TNNI3K: variants seen among roughly 807,000 people sequenced by gnomAD.
TNNI3K encodes the protein serine/threonine-protein kinase TNNI3K.
TNNI3K carries 140 observed loss-of-function variants against 114.5 expected under a neutral mutation model. The observed-to-expected ratio is 1.22, with a 90% CI of 1.07 to 1.41. The LOEUF is 1.41. TNNI3K is among the 40% of genes most tolerant of loss of function. The probability of loss-of-function intolerance (pLI) is 0.00; values close to 1 mark genes in which losing one functional copy is unlikely to be tolerated. For missense variants in TNNI3K, 1,125 were observed against 1,007.6 expected, an observed-to-expected ratio of 1.12 and a Z score of -1.58; for synonymous variants, 347 against 347.5, an observed-to-expected ratio of 1.00 and a Z score of 0.02.
intron 4 of TNNI3K, among the ~76,000 whole-genome samples, chr1:74,255,049 C>A (rs1334413443): frequency 6.6e-6 from 1 of 152,168 alleles, no homozygotes; most frequent in African/African-American, 2.4e-5. Flanking sequence ...TGGGTCTGTT[C>A]AGTAAACATT....
chr1:74,529,151 C>T (rs992804145), intron 23 of TNNI3K, among the ~76,000 whole-genome samples: 1 of 152,086 alleles, frequency 6.6e-6, no homozygotes, highest in African/African-American at 2.4e-5. Context: ...TCTCAAAATA[C>T]CTCCTCACAA....
chr1:74,291,905 A>G (rs1036262195), intron 5 of TNNI3K, among the ~76,000 whole-genome samples: 12 of 151,314 alleles, frequency 7.9e-5, no homozygotes, highest in African/African-American at 2.9e-4. Flanking sequence ...AAAAGCTTAT[A>G]TTTTCCTTAT....
intron 5 of TNNI3K, among the ~76,000 whole-genome samples, chr1:74,276,937 T>A (rs1009397574): frequency 1.3e-5 from 2 of 152,144 alleles, no homozygotes; most frequent in African/African-American, 4.8e-5. Context: ...AGTAGGCAAA[T>A]ATTAGTTGTC....
At chr1:74,280,816 T>C (rs1356240582) in intron 5 of TNNI3K, among the ~76,000 whole-genome samples, 2 of 151,992 alleles carry the variant, frequency 1.3e-5, no homozygotes, top group African/African-American at 4.8e-5. Context: ...GGACTTGGGG[T>C]GCACGTGACC....
chr1:74,517,967 A>G (rs114927648), intron 23 of TNNI3K, among the ~76,000 whole-genome samples: 3,782 of 152,292 alleles, frequency 0.025, 62 homozygotes, highest in Non-Finnish European at 0.034. Context: ...TAGTACTTAA[A>G]GTAACAATCT....
At chr1:74,300,099 G>A (rs1658230248) in intron 5 of TNNI3K, among the ~76,000 whole-genome samples, 1 of 151,908 alleles carries the variant, frequency 6.6e-6, no homozygotes, top group South Asian at 2.1e-4. Context: ...TATCACTTTT[G>A]TGGCAGGATT....
intron 21 of TNNI3K, chr1:74,483,442 T>C: frequency 1.5e-6 from 1 of 674,102 alleles, no homozygotes. Flanking sequence ...TTTCTGTACA[T>C]ACAGGTCATG....
intron 20 of TNNI3K, among the ~76,000 whole-genome samples, chr1:74,453,552 A>C (rs761625002): frequency 6.6e-6 from 1 of 152,190 alleles, no homozygotes; most frequent in Non-Finnish European, 1.5e-5. Flanking sequence ...TTAACAGCAT[A>C]CTACTTCCTG....
intron 21 of TNNI3K, chr1:74,464,969 C>T: frequency 1.6e-6 from 2 of 1,214,314 alleles, no homozygotes; most frequent in Non-Finnish European, 2.0e-6. Context: ...ATTTTGATGT[C>T]CAGAAAATTT....
At chr1:74,464,781 T>C in intron 21 of TNNI3K, 1 of 1,536,050 alleles carries the variant, frequency 6.5e-7, no homozygotes, top group African/African-American at 1.4e-5. Flanking sequence ...TGTTACATGT[T>C]TATTTGTTTA....
rs529201575 is a variant in TNNI3K at position 74,337,310 on chromosome 1, C to T, written c.682+1161C>T. ...TCCCATTTTGTAGGTTGCCTGTTCA[C>T]TCTGATGGTAGTTTCTTTTGCTGTG... On this transcript the variant is annotated intron_variant, in intron 7 of 24. Coordinates refer to ENST00000326637, the MANE Select transcript of TNNI3K (RefSeq NM_015978.3). 8.9e-4 allele frequency among the ~76,000 whole-genome samples: 135 copies of T among 151,410 alleles called. 1 individual carries two copies. The highest frequency in any genetic ancestry group is 3.0e-3 in the African/African-American group (125 of 41,304).
chr1:74,383,358 T>G (rs1663303418), intron 17 of TNNI3K, among the ~76,000 whole-genome samples: 1 of 152,080 alleles, frequency 6.6e-6, no homozygotes, highest in South Asian at 2.1e-4. Context: ...CTCTATAGCC[T>G]TCATCTGAAA....
At chr1:74,485,773 C>T (rs1668727031) in intron 21 of TNNI3K, among the ~76,000 whole-genome samples, 1 of 152,158 alleles carries the variant, frequency 6.6e-6, no homozygotes, top group South Asian at 2.1e-4. Flanking sequence ...TGTGAACTGC[C>T]TATTTGGCAA....
intron 5 of TNNI3K, among the ~76,000 whole-genome samples, chr1:74,293,695 C>A (rs960577275): frequency 6.6e-6 from 1 of 151,550 alleles, no homozygotes; most frequent in Admixed American, 6.6e-5. Flanking sequence ...TTCCTTATTT[C>A]ATTGGCACTC....
At chr1:74,430,625 C>A (rs1665850029) in intron 17 of TNNI3K, among the ~76,000 whole-genome samples, 1 of 152,096 alleles carries the variant, frequency 6.6e-6, no homozygotes, top group South Asian at 2.1e-4. Flanking sequence ...TAAGTGCATG[C>A]ATTGTTAAGG....
chr1:74,303,574 T>C (rs1658454971), intron 5 of TNNI3K, among the ~76,000 whole-genome samples: 1 of 152,202 alleles, frequency 6.6e-6, no homozygotes, highest in Non-Finnish European at 1.5e-5. Context: ...CTAAGAGCTC[T>C]GATGGAGATG....
intron 23 of TNNI3K, among the ~76,000 whole-genome samples, chr1:74,507,324 T>C (rs1570717137): frequency 6.7e-6 from 1 of 149,318 alleles, no homozygotes; most frequent in East Asian, 2.1e-4. Flanking sequence ...CTAAATACCC[T>C]CAACTAGTTA....
intron 23 of TNNI3K, among the ~76,000 whole-genome samples, chr1:74,537,974 C>T (rs565879530): frequency 1.3e-5 from 2 of 152,166 alleles, no homozygotes; most frequent in African/African-American, 4.8e-5. Context: ...AGTTGTATCA[C>T]TGAGGTATGG....
chr1:74,264,219 T>G (rs926351561), intron 4 of TNNI3K, among the ~76,000 whole-genome samples: 1 of 151,684 alleles, frequency 6.6e-6, no homozygotes, highest in African/African-American at 2.4e-5. Flanking sequence ...ACACTGAAAC[T>G]CTTAAAAACT....
Sources: gnomAD v4.1 joint callset for allele counts (sites outside exome capture counted in the v4.1 genomes callset) on GRCh38, gnomAD v4.1.1 for gene constraint, MANE v1.5 for transcripts, NCBI Gene and HGNC (gene_info 2026-07-23, HGNC 2026-07-21) for gene names.